RBFOX1: variants seen among roughly 807,000 people sequenced by gnomAD.
RBFOX1 encodes RNA binding protein fox-1 homolog 1.
RBFOX1 carries 8 observed loss-of-function variants against 57.7 expected under a neutral mutation model. The ratio of observed to expected loss-of-function variants is 0.14; its 90% CI spans 0.08 to 0.25. The LOEUF (loss-of-function observed/expected upper bound fraction) is 0.25, where lower values mean the gene tolerates loss of function less well. Among genes scored for constraint, RBFOX1 ranks in the 10% least tolerant of loss-of-function variants. RBFOX1 has a pLI of 1.00. For missense variants in RBFOX1, 611 were observed against 548.5 expected, an observed-to-expected ratio of 1.11 and a Z score of -1.14; for synonymous variants, 326 against 222.4, an observed-to-expected ratio of 1.47 and a Z score of -4.15.
intron 3 of RBFOX1, among the ~76,000 whole-genome samples, chr16:6,778,115 T>C (rs901216154): frequency 6.6e-6 from 1 of 151,680 alleles, no homozygotes; most frequent in African/African-American, 2.4e-5. Flanking sequence ...GAATACATGA[T>C]CTGGATGCGC....
chr16:7,063,784 A>G (rs574092939), intron 4 of RBFOX1, among the ~76,000 whole-genome samples: 1 of 152,350 alleles, frequency 6.6e-6, no homozygotes, highest in South Asian at 2.1e-4. Flanking sequence ...CATTCTGGAT[A>G]ATAACTGCTT....
intron 1 of RBFOX1, among the ~76,000 whole-genome samples, chr16:5,451,168 C>T (rs1317412458): frequency 3.9e-5 from 6 of 152,136 alleles, no homozygotes; most frequent in Non-Finnish European, 8.8e-5. Context: ...GTGAGAGAAC[C>T]AGAGCTCTTC....
At chr16:6,550,544 T>C (rs1288251759) in intron 2 of RBFOX1, among the ~76,000 whole-genome samples, 1 of 152,128 alleles carries the variant, frequency 6.6e-6, no homozygotes, top group Non-Finnish European at 1.5e-5. Context: ...CAAGCTGGTG[T>C]TGGACTCCTG....
intron 4 of RBFOX1, among the ~76,000 whole-genome samples, chr16:7,138,539 G>T (rs1313474206): frequency 6.6e-6 from 1 of 152,148 alleles, no homozygotes; most frequent in Non-Finnish European, 1.5e-5. Flanking sequence ...GCACAGTTTT[G>T]TGTTATTGTG....
At chr16:7,125,139 A>AAG (rs1260380488) in intron 4 of RBFOX1, among the ~76,000 whole-genome samples, 3 of 152,188 alleles carry the variant, frequency 2.0e-5, no homozygotes, top group Admixed American at 6.5e-5. Flanking sequence ...TGCCCTTGGG[A>AAG]AGAAAGAGGT....
At chr16:6,554,183 A>T (rs2097050358) in intron 2 of RBFOX1, among the ~76,000 whole-genome samples, 1 of 152,186 alleles carries the variant, frequency 6.6e-6, no homozygotes, top group Non-Finnish European at 1.5e-5. Context: ...TGGTAGCTCT[A>T]GGGGTTTAAG....
At chr16:6,967,042 A>G (rs900995787) in intron 3 of RBFOX1, among the ~76,000 whole-genome samples, 1 of 152,090 alleles carries the variant, frequency 6.6e-6, no homozygotes, top group Non-Finnish European at 1.5e-5. Context: ...CTGTACGTGC[A>G]TCCACCCTCC....
chr16:7,502,614 C>G (rs913903975), intron 4 of RBFOX1, among the ~76,000 whole-genome samples: 1 of 152,058 alleles, frequency 6.6e-6, no homozygotes, highest in South Asian at 2.1e-4. Flanking sequence ...TTTAATTATA[C>G]TTTAAGTTTT....
chr16:6,585,306 A>G (rs980183820), intron 2 of RBFOX1, among the ~76,000 whole-genome samples: 2 of 152,232 alleles, frequency 1.3e-5, no homozygotes, highest in Non-Finnish European at 2.9e-5. Flanking sequence ...CAGGGCTGCC[A>G]TGAAGCATTG....
chr16:6,875,961 G>A lies in RBFOX1; in HGVS notation c.-15-176096G>A, dbSNP rs1041062031. On this transcript the variant is annotated intron_variant, in intron 3 of 15. Transcript: ENST00000550418. ...TGCAGTGAGCTGCAATTATGTCACT[G>A]CACTTCAGCCTGGGCAACACAGTGG... Among the ~76,000 whole-genome samples the A allele has an allele frequency of 2.2e-4, 33 of 152,094 alleles. 1 individual carries two copies.
rs150618419 is a variant in RBFOX1 at position 5,342,334 on chromosome 16, G to A, written c.219+102229G>A. 1.7e-3 allele frequency among the ~76,000 whole-genome samples: 258 copies of A among 152,200 alleles called. 1 individual carries two copies. The highest frequency in any genetic ancestry group is 4.3e-3 in the South Asian group (21 of 4,828). ...GTGATTCCAGGGGACTCTGTTAGAG[G>A]CAAAGAGCTGAGAAAGCCTTGGGGG... On this transcript the variant is annotated intron_variant, in intron 1 of 2. Coordinates refer to the RBFOX1 transcript ENST00000585867.
chr16:5,370,205 C>G (rs1422639110), intron 1 of RBFOX1, among the ~76,000 whole-genome samples: 1 of 152,186 alleles, frequency 6.6e-6, no homozygotes, highest in Middle Eastern at 3.2e-3. Context: ...ACCCCACAGG[C>G]TATTTCTGCA....
At chr16:5,672,781 A>C (rs1413458116) in intron 3 of RBFOX1, among the ~76,000 whole-genome samples, 2 of 152,096 alleles carry the variant, frequency 1.3e-5, no homozygotes, top group African/African-American at 4.8e-5. Context: ...AGCCCAGCTA[A>C]ATTCAGTGGT....
At chr16:6,762,166 A>G (rs2076700661) in intron 3 of RBFOX1, among the ~76,000 whole-genome samples, 1 of 152,090 alleles carries the variant, frequency 6.6e-6, no homozygotes, top group South Asian at 2.1e-4. Flanking sequence ...ATGTAGTAAC[A>G]GTAACATAAA....
At chr16:6,956,209 G>T (rs1568069717) in intron 3 of RBFOX1, among the ~76,000 whole-genome samples, 1 of 152,178 alleles carries the variant, frequency 6.6e-6, no homozygotes, top group Non-Finnish European at 1.5e-5. Flanking sequence ...TACCACACAG[G>T]AGATCGTGCA....
At chr16:5,430,852 C>A (rs114453064) in intron 1 of RBFOX1, among the ~76,000 whole-genome samples, 1,752 of 152,324 alleles carry the variant, frequency 0.012, 42 homozygotes, top group African/African-American at 0.04. Context: ...AACCTTTACA[C>A]ATAGCCTCCA....
intron 4 of RBFOX1, among the ~76,000 whole-genome samples, chr16:7,450,392 CAAA>C (rs57188328): frequency 5.7e-5 from 4 of 69,578 alleles, no homozygotes; most frequent in Admixed American, 2.2e-4. Flanking sequence ...GACTCTGTCT[CAAA>C]AAAAAAAAAA....
intron 3 of RBFOX1, among the ~76,000 whole-genome samples, chr16:7,000,754 G>T (rs571038764): frequency 6.6e-6 from 1 of 151,636 alleles, no homozygotes; most frequent in East Asian, 1.9e-4. Context: ...ACAGGTGTCC[G>T]CCATCATGCC....
At chr16:7,009,703 C>T (rs908123207) in intron 3 of RBFOX1, among the ~76,000 whole-genome samples, 1 of 152,162 alleles carries the variant, frequency 6.6e-6, no homozygotes, top group Non-Finnish European at 1.5e-5. Context: ...GAGCAGGCAG[C>T]AGTTGAGCCA....
Sources: allele counts gnomAD v4.1 joint callset (sites outside exome capture counted in the v4.1 genomes callset), GRCh38; gene constraint gnomAD v4.1.1; transcripts MANE v1.5; gene names NCBI Gene and HGNC (gene_info 2026-07-23, HGNC 2026-07-21).